SPAG6: variants seen among roughly 807,000 people sequenced by gnomAD.
SPAG6 encodes the protein sperm associated antigen 6.
Under a neutral mutation model 58.5 loss-of-function variants are expected in SPAG6, and 49 were observed. The ratio of observed to expected loss-of-function variants is 0.84; its 90% CI spans 0.67 to 1.06. The LOEUF (loss-of-function observed/expected upper bound fraction) is 1.06, where lower values mean the gene tolerates loss of function less well. Ranked by LOEUF, SPAG6 falls within the 50% of genes least tolerant of loss-of-function variation. The pLI is 0.00. For missense variants in SPAG6, 560 were observed against 611.3 expected (o/e 0.92, Z 0.89); for synonymous variants, 233 against 225.6 (o/e 1.03, Z -0.29).
At chr10:22,377,401 G>A (rs1216379088) in intron 4 of SPAG6, among the ~76,000 whole-genome samples, 3 of 152,204 alleles carry the variant, frequency 2.0e-5, no homozygotes, top group Non-Finnish European at 4.4e-5. Context: ...GTTGTTTTAA[G>A]CTGCTCAGTT....
chr10:22,411,355 C>T (rs1029555902), intron 10 of SPAG6, 179 bp downstream of exon 10: 5 of 493,246 alleles, frequency 1.0e-5, no homozygotes, highest in South Asian at 8.1e-5. Flanking sequence ...ATCTGACTGA[C>T]ACGCACATTT....
chr10:22,402,230 G>C (rs1834431317), intron 9 of SPAG6, among the ~76,000 whole-genome samples: 1 of 152,028 alleles, frequency 6.6e-6, no homozygotes, highest in Non-Finnish European at 1.5e-5. Flanking sequence ...AACAACCAAA[G>C]AGTTGTATTT....
chr10:22,386,911 T>C lies in SPAG6; in HGVS notation c.630T>C (p.Ala210=), dbSNP rs1271568528. ...ELAQTVVDAG[A]VAHLAQMILN... ...CACAGACAGTAGTGGATGCAGGAGC[T>C]GTTGCTCATTTAGCCCAGATGATCC... The change falls in exon 5 of 11, where the codon GCT becomes GCC. Residue 210 remains alanine, a synonymous_variant. Transcript: ENST00000376624. The C allele has an allele frequency of 1.2e-6, 2 of 1,613,834 alleles. No individual in the cohort carries two copies. The highest frequency in any genetic ancestry group is 1.7e-6 in the Non-Finnish European group (2 of 1,179,796).
chr10:22,392,302 A>G (rs1213457056), intron 8 of SPAG6, among the ~76,000 whole-genome samples: 1 of 152,174 alleles, frequency 6.6e-6, no homozygotes, highest in African/African-American at 2.4e-5. Context: ...CAAATGTATC[A>G]TATAACTAGT....
Position 22,401,279 on chromosome 10 carries a change from T to A in SPAG6, c.1314+2T>A, listed in dbSNP as rs753991933. 1.4e-5 allele frequency: 19 copies of A among 1,382,456 alleles called. 1 individual carries two copies. The East Asian group carries it at 4.1e-4, about 30-fold the overall frequency. 85.6% of individuals were successfully genotyped at this position (1,382,456 alleles called of 1,614,324 possible). A position where few individuals can be genotyped will look rare whatever the true frequency, so the allele number is the denominator to read the frequency against. ...CATGTGGTTGGACAGTTCAGTAAGG[T>A]AAGAAATGCCAGCCTCTAAGGGGAG... On this transcript the variant is annotated splice_donor_variant, in intron 9 of 10. Coordinates refer to ENST00000376624, the MANE Select transcript of SPAG6 (RefSeq NM_012443.4). LOFTEE classifies it high-confidence loss of function.
At chr10:22,414,566 G>GA (rs1371418493) in intron 10 of SPAG6, among the ~76,000 whole-genome samples, 1 of 152,106 alleles carries the variant, frequency 6.6e-6, no homozygotes, top group Non-Finnish European at 1.5e-5. Flanking sequence ...AATTAAATGA[G>GA]AAAATGCTTA....
intron 2 of SPAG6, among the ~76,000 whole-genome samples, chr10:22,354,454 C>T (rs762698423): frequency 2.0e-5 from 3 of 152,116 alleles, no homozygotes; most frequent in Admixed American, 1.3e-4. Context: ...GATATCCATG[C>T]GTCAGTGACT....
intron 8 of SPAG6, among the ~76,000 whole-genome samples, chr10:22,393,754 C>T (rs1203021079): frequency 2.6e-5 from 4 of 152,008 alleles, no homozygotes; most frequent in African/African-American, 9.7e-5. Flanking sequence ...TTTTCTTTCC[C>T]CACGGTCTCG....
Position 22,416,746 on chromosome 10 carries a change from T to G in SPAG6, c.*58T>G. ...CAGAGTAGTTTTGAGTAACAGTAAT[T>G]AAATCCTTCTAAATATTTGAACTAA... is the stretch of plus-strand genomic sequence containing the variant. On this transcript the variant is annotated 3_prime_UTR_variant, in exon 11 of 11. Transcript: ENST00000376624. 1.1e-6 allele frequency: 1 copy of G among 898,470 alleles called. No individual in the cohort carries two copies. Among genetic ancestry groups the G allele is most frequent in the Non-Finnish European group, 1.9e-6 (1 of 539,924 alleles). The allele number at this position is 898,470 out of a possible 1,614,324, so 55.7% of individuals were successfully genotyped here.
intron 4 of SPAG6, among the ~76,000 whole-genome samples, chr10:22,379,330 T>A (rs541999139): frequency 1.3e-5 from 2 of 152,278 alleles, no homozygotes; most frequent in South Asian, 4.1e-4. Flanking sequence ...CTTATTCACA[T>A]CCTTGTGTAG....
intron 2 of SPAG6, among the ~76,000 whole-genome samples, chr10:22,356,357 G>A (rs1000654711): frequency 6.6e-6 from 1 of 152,216 alleles, no homozygotes; most frequent in Non-Finnish European, 1.5e-5. Flanking sequence ...GATTTGTGCA[G>A]TACGCATCCT....
chr10:22,406,402 A>G lies in SPAG6; in HGVS notation c.1315-4629A>G, dbSNP rs556535991. On this transcript the variant is annotated intron_variant, in intron 9 of 10. Transcript: ENST00000376624. The stretch of plus-strand genomic sequence containing the variant: ...GCCTTCATTTCGTTATGTATCCAGT[A>G]GTTATTCAGGAGCAGGTTGTTCAGT... Among the ~76,000 whole-genome samples the G allele has an allele frequency of 6.0e-4, 92 of 152,276 alleles. 1 individual carries two copies. The South Asian group carries it at 0.019, about 31-fold the overall frequency.
intron 4 of SPAG6, among the ~76,000 whole-genome samples, chr10:22,382,742 C>G (rs894009831): frequency 6.6e-6 from 1 of 152,082 alleles, no homozygotes; most frequent in Non-Finnish European, 1.5e-5. Context: ...AAAAATTAAG[C>G]TAAAAATTTT....
At chr10:22,414,492 C>T (rs903605731) in intron 10 of SPAG6, among the ~76,000 whole-genome samples, 4 of 152,030 alleles carry the variant, frequency 2.6e-5, no homozygotes, top group Non-Finnish European at 4.4e-5. Flanking sequence ...ATAGTTAACC[C>T]CTTTAGCCAC....
intron 2 of SPAG6, among the ~76,000 whole-genome samples, chr10:22,360,499 A>G (rs1837003921): frequency 2.0e-5 from 3 of 151,740 alleles, no homozygotes; most frequent in Admixed American, 1.3e-4. Flanking sequence ...TTTTCAGTAT[A>G]GCACTAGAAT....
chr10:22,373,724 C>G (rs1193100989), intron 4 of SPAG6, among the ~76,000 whole-genome samples: 2 of 152,104 alleles, frequency 1.3e-5, no homozygotes, highest in Non-Finnish European at 2.9e-5. Context: ...CTTTATCTTT[C>G]TTTTCATACC....
chr10:22,366,801 A>C (rs1367422894), intron 3 of SPAG6, among the ~76,000 whole-genome samples: 3 of 152,206 alleles, frequency 2.0e-5, no homozygotes, highest in African/African-American at 7.2e-5. Flanking sequence ...CCCACGTAGA[A>C]GATTTTCAGT....
intron 2 of SPAG6, chr10:22,346,162 G>C (rs1836521498): frequency 8.0e-7 from 1 of 1,242,292 alleles, no homozygotes; most frequent in East Asian, 4.3e-5. Context: ...ATGCCACCCT[G>C]CCTTTGATCA....
At chr10:22,404,207 G>A in intron 9 of SPAG6, among the ~76,000 whole-genome samples, 1 of 106,446 alleles carries the variant, frequency 9.4e-6, no homozygotes, top group African/African-American at 3.8e-5. Flanking sequence ...TGAAGTCCTT[G>A]CCCATGCCTA....
Sources: gnomAD v4.1 joint callset for allele counts (sites outside exome capture counted in the v4.1 genomes callset) on GRCh38, gnomAD v4.1.1 for gene constraint, MANE v1.5 for transcripts, NCBI Gene and HGNC (gene_info 2026-07-23, HGNC 2026-07-21) for gene names.